Variants in BCAS3 observed in about 807,000 individuals in gnomAD.
The protein encoded by BCAS3 is BCAS3 microtubule associated cell migration factor.
In BCAS3, 53 loss-of-function variants were observed where a neutral mutation model predicts 116.1. That is an observed-to-expected ratio of 0.46 (90% CI 0.37 to 0.57). BCAS3 has a LOEUF of 0.57. Among genes scored for constraint, BCAS3 ranks in the 20% least tolerant of loss-of-function variants. The pLI is 0.00. For missense variants in BCAS3, 917 were observed against 1,165.4 expected, an observed-to-expected ratio of 0.79 and a Z score of 3.10; for synonymous variants, 391 against 408.2, an observed-to-expected ratio of 0.96 and a Z score of 0.51.
Position 61,059,063 on chromosome 17 carries a change from CTTTTTTTTTTTTTTTTTTT to C in BCAS3, c.2030-15838_2030-15820del, listed in dbSNP as rs869090870. 6.7e-4 allele frequency among the ~76,000 whole-genome samples: 22 copies of C among 32,800 alleles called. 1 individual carries two copies. In the South Asian group the frequency reaches 0.011, roughly 16 times the overall value. 21.5% of individuals were successfully genotyped at this position (32,800 alleles called of 152,430 possible). The stretch of plus-strand genomic sequence containing the variant: ...TCCCCGAACTCTTTTTTCTCCCCAT[CTTTTTTTTTTTTTTTTTTT>C]TTTTTTTTTTTTTTTTTTGAGACAG... On this transcript the variant is annotated intron_variant, in intron 19 of 23. Coordinates refer to ENST00000407086, the MANE Select transcript of BCAS3 (RefSeq NM_017679.5).
chr17:61,173,879 TCAAA>T (rs1291881059), intron 22 of BCAS3, among the ~76,000 whole-genome samples: 5 of 152,182 alleles, frequency 3.3e-5, no homozygotes, highest in African/African-American at 9.6e-5. Context: ...AGACCCTGTC[TCAAA>T]CAAACAAACC....
At position 61,233,105 on chromosome 17, in the gene BCAS3, A is replaced by G. The variant is rs1054103902; in HGVS notation, c.2426-135222A>G. ...TGACTAATTTGAGTAGGAGGGTGAT[A>G]AACTTTGTTACCACTTAAAAAGGGG... On this transcript the variant is annotated intron_variant, in intron 22 of 23. Transcript: ENST00000407086. The surrounding 1 kb of genome is among the most constrained non-coding windows in gnomAD (Gnocchi z 4.3). Among the ~76,000 whole-genome samples the G allele has an allele frequency of 9.9e-5, 15 of 152,226 alleles. No individual in the cohort carries two copies. Among genetic ancestry groups the G allele is most frequent in the African/African-American group, 3.6e-4 (15 of 41,468 alleles).
rs1280585169 is a variant in BCAS3 at position 61,065,328 on chromosome 17, C to T, written c.2030-9592C>T. Among the ~76,000 whole-genome samples, 1 of 152,138 alleles carries T rather than the reference C, an allele frequency of 6.6e-6. No homozygotes were observed. Among genetic ancestry groups the T allele is most frequent in the Non-Finnish European group, 1.5e-5 (1 of 68,016 alleles). ...AGTTTCTATACTAAGAAACTACATT[C>T]CCAAGCAGAATTTCATCCTTATATC... On this transcript the variant is annotated intron_variant, in intron 19 of 23. Transcript: ENST00000407086. This position sits in a 1 kb window ranked among gnomAD's most constrained non-coding sequence, Gnocchi z 4.8.
rs2078860151 is a variant in BCAS3 at position 61,171,873 on chromosome 17, T to G, written c.2425+87309T>G. On this transcript the variant is annotated intron_variant, in intron 22 of 23. Coordinates refer to ENST00000407086, the MANE Select transcript of BCAS3 (RefSeq NM_017679.5). This position sits in a 1 kb window ranked among gnomAD's most constrained non-coding sequence, Gnocchi z 4.1. ...TTCTTGAACTTCTGGAATTAAGTGA[T>G]TCTCTCACCTTGGCCTTCCAAAGTG... 6.6e-6 allele frequency among the ~76,000 whole-genome samples: 1 copy of G among 152,050 alleles called. No homozygotes were observed. Among genetic ancestry groups the G allele is most frequent in the Non-Finnish European group, 1.5e-5 (1 of 68,010 alleles).
intron 6 of BCAS3, among the ~76,000 whole-genome samples, chr17:60,801,546 G>A (rs1165256895): frequency 6.6e-6 from 1 of 151,880 alleles, no homozygotes; most frequent in Non-Finnish European, 1.5e-5. Flanking sequence ...AGTAGTGAGA[G>A]TGGACACTCT....
At chr17:61,173,830 A>G (rs1010752596) in intron 22 of BCAS3, among the ~76,000 whole-genome samples, 3 of 151,752 alleles carry the variant, frequency 2.0e-5, no homozygotes, top group African/African-American at 7.3e-5. Flanking sequence ...ACAGTGAGCT[A>G]TGATCATGCC....
chr17:61,304,156 T>C (rs2053655581), intron 22 of BCAS3, among the ~76,000 whole-genome samples: 1 of 152,200 alleles, frequency 6.6e-6, no homozygotes, highest in Non-Finnish European at 1.5e-5. Flanking sequence ...TTCATCCCTA[T>C]TACCACCCCC....
At chr17:60,757,427 T>G (rs1319008418) in intron 6 of BCAS3, among the ~76,000 whole-genome samples, 2 of 151,622 alleles carry the variant, frequency 1.3e-5, no homozygotes, top group Non-Finnish European at 2.9e-5. Flanking sequence ...TGTGTGTGTG[T>G]GTGTGTGTGT....
intron 5 of BCAS3, among the ~76,000 whole-genome samples, chr17:60,712,805 A>C (rs1166246521): frequency 6.6e-6 from 1 of 152,228 alleles, no homozygotes; most frequent in Non-Finnish European, 1.5e-5. Flanking sequence ...AAGCTTACAT[A>C]GTGCTCTCTT....
intron 2 of BCAS3, among the ~76,000 whole-genome samples, chr17:60,683,780 C>T (rs957689319): frequency 3.3e-5 from 5 of 151,258 alleles, no homozygotes; most frequent in African/African-American, 7.3e-5. Context: ...AGCAGTGAGC[C>T]GAGATCGCAC....
At position 61,163,757 on chromosome 17, in the gene BCAS3, T is replaced by C. The variant is rs2078307641; in HGVS notation, c.2425+79193T>C. The stretch of plus-strand genomic sequence containing the variant: ...ATCCCAGTACTTTGGGAGGCCAAGG[T>C]GGGCAGATCACCTGAGGTTGGGAGT... On this transcript the variant is annotated intron_variant, in intron 22 of 23. Coordinates refer to ENST00000407086, the MANE Select transcript of BCAS3 (RefSeq NM_017679.5). Among the ~76,000 whole-genome samples, 3 of 151,934 alleles carry C rather than the reference T, an allele frequency of 2.0e-5. No homozygotes were observed. The South Asian group carries it at 6.2e-4, about 32-fold the overall frequency.
intron 12 of BCAS3, among the ~76,000 whole-genome samples, chr17:60,913,630 T>C (rs2058632836): frequency 6.6e-6 from 1 of 152,154 alleles, no homozygotes. Context: ...AACTGTAATG[T>C]TTTTCCTTTT....
intron 7 of BCAS3, among the ~76,000 whole-genome samples, chr17:60,850,624 G>T (rs2053048208): frequency 6.6e-6 from 1 of 152,044 alleles, no homozygotes. Flanking sequence ...TTCTGAAAGT[G>T]CTGGGATTAG....
intron 22 of BCAS3, among the ~76,000 whole-genome samples, chr17:61,297,980 T>A (rs1309637902): frequency 2.6e-5 from 4 of 152,182 alleles, no homozygotes; most frequent in African/African-American, 7.2e-5. Flanking sequence ...CTAACTTGGG[T>A]CTCCCTGCAG....
chr17:60,810,797 T>A, intron 7 of BCAS3: 1 of 669,082 alleles, frequency 1.5e-6, no homozygotes. Context: ...GAGGAGCTGC[T>A]CTTCCTGAAG....
chr17:61,353,673 ATTG>A (rs1179112106), intron 22 of BCAS3: 1 of 152,138 alleles, frequency 6.6e-6, no homozygotes. Context: ...GATTATTATC[ATTG>A]TTAAGACGTC....
At chr17:60,803,895 G>A (rs544530053) in intron 6 of BCAS3, among the ~76,000 whole-genome samples, 12 of 141,160 alleles carry the variant, frequency 8.5e-5, no homozygotes, top group East Asian at 2.3e-4. Flanking sequence ...TCTGCTTCCC[G>A]GGTTTGAGCG....
intron 7 of BCAS3, among the ~76,000 whole-genome samples, chr17:60,826,398 T>A (rs1201974972): frequency 6.6e-6 from 1 of 152,028 alleles, no homozygotes; most frequent in African/African-American, 2.4e-5. Context: ...TTGCCTCAAA[T>A]TCCTGGGCTC....
At chr17:60,791,588 T>A (rs748761657) in intron 6 of BCAS3, among the ~76,000 whole-genome samples, 10 of 151,996 alleles carry the variant, frequency 6.6e-5, no homozygotes, top group Admixed American at 1.3e-4. Context: ...TAGGAGTTAG[T>A]GGCTGGAGTG....
Sources: allele counts gnomAD v4.1 joint callset (sites outside exome capture counted in the v4.1 genomes callset), GRCh38; gene constraint gnomAD v4.1.1; non-coding constraint Gnocchi (gnomAD v3.1); transcripts MANE v1.5; gene names NCBI Gene and HGNC (gene_info 2026-07-23, HGNC 2026-07-21).